PLLP: variants seen among roughly 807,000 people sequenced by gnomAD.
PLLP encodes the protein plasma membrane proteolipid (plasmolipin).
A neutral mutation model predicts 19.7 loss-of-function variants in PLLP; 15 were observed. The ratio of observed to expected loss-of-function variants is 0.76; its 90% CI spans 0.51 to 1.17. PLLP has a LOEUF of 1.17. PLLP is among the 50% of genes most tolerant of loss of function. The pLI is 0.00. For missense variants in PLLP, 255 were observed against 258.3 expected (o/e 0.99, Z 0.09); for synonymous variants, 111 against 116.3 (o/e 0.95, Z 0.29).
intron 1 of PLLP, among the ~76,000 whole-genome samples, chr16:57,283,912 C>G (rs1901249036): frequency 6.6e-6 from 1 of 152,140 alleles, no homozygotes; most frequent in Non-Finnish European, 1.5e-5. Flanking sequence ...GTGCGGCCAC[C>G]CGGAGCCGCT....
Position 57,258,496 on chromosome 16 carries a change from C to T in PLLP, c.398G>A (p.Gly133Asp). 1 of 1,612,676 alleles carries T rather than the reference C, an allele frequency of 6.2e-7. No individual in the cohort carries two copies. The highest frequency in any genetic ancestry group is 8.5e-7 in the Non-Finnish European group (1 of 1,179,930). ...CGCGCGCTGGTTATAAGGCCGGGTG[C>T]CCCTCAGGGATGTCAGGTCAACTGC... is the stretch of plus-strand genomic sequence containing the variant. Reference protein sequence around the residue: ...SAAVDLTSLRGTRPYNQRAAA... With the variant: ...SAAVDLTSLRDTRPYNQRAAA... Residue 133 changes from glycine (G) to aspartate (D), a missense_variant, in exon 3 of 4, where the codon GGC becomes GAC. Coordinates refer to ENST00000219207, the MANE Select transcript of PLLP (RefSeq NM_015993.3).
chr16:57,270,571 C>T (rs72778737), intron 1 of PLLP, among the ~76,000 whole-genome samples: 1 of 152,154 alleles, frequency 6.6e-6, no homozygotes, highest in South Asian at 2.1e-4. Context: ...TCCCCACCCC[C>T]GCTCTGGCCC....
At chr16:57,270,983 G>C (rs545816674) in intron 1 of PLLP, among the ~76,000 whole-genome samples, 1 of 152,224 alleles carries the variant, frequency 6.6e-6, no homozygotes, top group African/African-American at 2.4e-5. Context: ...GCTTGGCAGC[G>C]AGGGTCGCCA....
chr16:57,263,099 C>G (rs1012632386), intron 1 of PLLP, among the ~76,000 whole-genome samples: 1 of 152,176 alleles, frequency 6.6e-6, no homozygotes, highest in East Asian at 1.9e-4. Flanking sequence ...GGCGGGAAGA[C>G]AACAGCCCTG....
chr16:57,267,506 T>C (rs1332329404), intron 1 of PLLP, among the ~76,000 whole-genome samples: 1 of 152,020 alleles, frequency 6.6e-6, no homozygotes, highest in East Asian at 1.9e-4. Flanking sequence ...AGGCAGAGGT[T>C]GCAGTGAACT....
intron 1 of PLLP, among the ~76,000 whole-genome samples, chr16:57,279,396 G>A (rs1306574380): frequency 6.6e-6 from 1 of 150,622 alleles, no homozygotes; most frequent in Non-Finnish European, 1.5e-5. Context: ...TAGAGGACTG[G>A]GTACAGTGGC....
chr16:57,276,986 A>G (rs560959772), intron 1 of PLLP, among the ~76,000 whole-genome samples: 23 of 152,208 alleles, frequency 1.5e-4, no homozygotes, highest in Non-Finnish European at 2.8e-4. Context: ...TAGAAGCCAT[A>G]AAGAAAGAAG....
chr16:57,261,855 G>A, intron 2 of PLLP, 42 bp downstream of exon 2: 1 of 1,577,180 alleles, frequency 6.3e-7, no homozygotes, highest in South Asian at 1.1e-5. Context: ...AAGTCACAGT[G>A]GTCCTGTCAT....
chr16:57,260,796 C>A (rs1159577254), intron 2 of PLLP, among the ~76,000 whole-genome samples: 1 of 152,200 alleles, frequency 6.6e-6, no homozygotes, highest in East Asian at 1.9e-4. Context: ...ACCTGGGGAG[C>A]CCAGCCTCTC....
At chr16:57,273,032 G>T (rs1901096132) in intron 1 of PLLP, among the ~76,000 whole-genome samples, 3 of 152,078 alleles carry the variant, frequency 2.0e-5, no homozygotes, top group Non-Finnish European at 4.4e-5. Flanking sequence ...GGCCGGGCGG[G>T]TGGATCATGA....
intron 1 of PLLP, among the ~76,000 whole-genome samples, chr16:57,281,656 A>G (rs144569519): frequency 0.012 from 1,765 of 151,836 alleles, 31 homozygotes; most frequent in African/African-American, 0.04. Flanking sequence ...GACTGCAGGC[A>G]CCCACCACCA....
chr16:57,257,526 C>T (rs952987434), intron 3 of PLLP, among the ~76,000 whole-genome samples: 3 of 152,226 alleles, frequency 2.0e-5, no homozygotes, highest in Non-Finnish European at 4.4e-5. Flanking sequence ...TGGGCTTGGC[C>T]GTGGCTCCAG....
At chr16:57,284,380 C>A in intron 1 of PLLP, 26 bp downstream of exon 1, 2 of 1,351,342 alleles carry the variant, frequency 1.5e-6, no homozygotes, top group East Asian at 3.1e-5. Flanking sequence ...CCCCGGCCAA[C>A]CCCGTGGGCC....
At chr16:57,276,016 T>C (rs909909750) in intron 1 of PLLP, among the ~76,000 whole-genome samples, 3 of 151,930 alleles carry the variant, frequency 2.0e-5, no homozygotes, top group African/African-American at 4.8e-5. Context: ...GCTGAGGTGG[T>C]AGGATGGCTT....
In PLLP at chr16:57,270,906, C is replaced by T. The variant is rs116543663; in HGVS notation, c.136-8836G>A. On this transcript the variant is annotated intron_variant, in intron 1 of 3. Coordinates refer to ENST00000219207, the MANE Select transcript of PLLP (RefSeq NM_015993.3). ...AAAAATGGGCATGTAAGTTGCCAAA[C>T]GGAGTCATTCAGTCATTAAACAAAC... is the stretch of plus-strand genomic sequence containing the variant. Among the ~76,000 whole-genome samples, 1,143 of 152,260 alleles carry T rather than the reference C, an allele frequency of 7.5e-3. 9 individuals carry two copies. The highest frequency in any genetic ancestry group is 0.026 in the African/African-American group (1,086 of 41,540).
At chr16:57,260,485 C>T (rs533358852) in intron 2 of PLLP, among the ~76,000 whole-genome samples, 10 of 152,330 alleles carry the variant, frequency 6.6e-5, no homozygotes, top group East Asian at 5.8e-4. Context: ...CCCCTGCAAA[C>T]GCTGCCTGTT....
At chr16:57,275,537 G>C (rs146577373) in intron 1 of PLLP, among the ~76,000 whole-genome samples, 1 of 141,304 alleles carries the variant, frequency 7.1e-6, no homozygotes, top group East Asian at 2.1e-4. Context: ...GAAAAAGACT[G>C]AACTATGATT....
intron 1 of PLLP, among the ~76,000 whole-genome samples, chr16:57,277,668 C>T (rs537401582): frequency 1.5e-4 from 23 of 152,322 alleles, no homozygotes; most frequent in African/African-American, 4.8e-4. Context: ...TTGCTGTGCA[C>T]TGATACAGAA....
intron 1 of PLLP, among the ~76,000 whole-genome samples, chr16:57,270,998 A>C (rs1213420336): frequency 2.0e-5 from 3 of 152,044 alleles, no homozygotes; most frequent in Non-Finnish European, 2.9e-5. Flanking sequence ...TCGCCACCCC[A>C]GGCCACAGCC....
Sources: gnomAD v4.1 joint callset for allele counts (sites outside exome capture counted in the v4.1 genomes callset) on GRCh38, gnomAD v4.1.1 for gene constraint, MANE v1.5 for transcripts, NCBI Gene and HGNC (gene_info 2026-07-23, HGNC 2026-07-21) for gene names.